SDK2: variants seen among roughly 807,000 people sequenced by gnomAD.
SDK2 encodes protein sidekick-2.
SDK2 carries 105 observed loss-of-function variants against 253.9 expected under a neutral mutation model. That is an observed-to-expected ratio of 0.41 (90% CI 0.35 to 0.49). The LOEUF is 0.49. SDK2 is among the 20% of genes least tolerant of loss of function. The probability of loss-of-function intolerance (pLI) is 0.06; values close to 1 mark genes in which losing one functional copy is unlikely to be tolerated. For missense variants in SDK2, 2,608 were observed against 3,003.0 expected (o/e 0.87, Z 3.07); for synonymous variants, 1,249 against 1,234.9 (o/e 1.01, Z -0.24).
At chr17:73,381,371 T>C (rs1599503931) in intron 33 of SDK2, among the ~76,000 whole-genome samples, 1 of 151,486 alleles carries the variant, frequency 6.6e-6, no homozygotes, top group Non-Finnish European at 1.5e-5. Flanking sequence ...ATGACTGTAT[T>C]ATACACAGGC....
chr17:73,403,157 G>A (rs2063043035), intron 18 of SDK2, among the ~76,000 whole-genome samples: 1 of 152,198 alleles, frequency 6.6e-6, no homozygotes, highest in Non-Finnish European at 1.5e-5. Flanking sequence ...ACAGGTAGGG[G>A]GAAGCTGGTT....
chr17:73,412,284 G>GTA (rs113442771), intron 18 of SDK2, among the ~76,000 whole-genome samples: 15 of 146,190 alleles, frequency 1.0e-4, no homozygotes, highest in African/African-American at 2.1e-4. Flanking sequence ...GTGTGTGTGT[G>GTA]TATATATATA....
intron 1 of SDK2, among the ~76,000 whole-genome samples, chr17:73,527,163 G>A (rs1342229018): frequency 6.6e-6 from 1 of 152,198 alleles, no homozygotes. Flanking sequence ...CTCCAGGGAG[G>A]AAGGGGACCC....
chr17:73,538,228 C>T (rs1234722948), intron 1 of SDK2, among the ~76,000 whole-genome samples: 2 of 152,240 alleles, frequency 1.3e-5, no homozygotes, highest in African/African-American at 4.8e-5. Flanking sequence ...GACAGGGAAA[C>T]TGAGGCACAG....
At chr17:73,628,569 C>T (rs2046231701) in intron 1 of SDK2, among the ~76,000 whole-genome samples, 1 of 152,210 alleles carries the variant, frequency 6.6e-6, no homozygotes, top group Non-Finnish European at 1.5e-5. Context: ...CACTCATGGG[C>T]CTTGAGTGTC....
rs1336796104 is a variant in SDK2 at position 73,337,726 on chromosome 17, G to A, written c.*861C>T. ...AACCTAATCATCCCACAGTGCCAAG[G>A]CCAGTCGCCTTATTTACACCTCTGC... On this transcript the variant is annotated 3_prime_UTR_variant, in exon 45 of 45. Coordinates refer to ENST00000392650, the MANE Select transcript of SDK2 (RefSeq NM_001144952.2). The A allele has an allele frequency of 6.6e-6, 1 of 152,218 alleles. No individual in the cohort carries two copies. Among genetic ancestry groups the A allele is most frequent in the African/African-American group, 2.4e-5 (1 of 41,430 alleles). 9.4% of individuals were successfully genotyped at this position (152,218 alleles called of 1,614,324 possible). A position where few individuals can be genotyped will look rare whatever the true frequency, so the allele number is the denominator to read the frequency against.
chr17:73,357,083 G>A (rs919322889), intron 40 of SDK2, among the ~76,000 whole-genome samples: 3 of 152,234 alleles, frequency 2.0e-5, no homozygotes, highest in African/African-American at 7.2e-5. Context: ...AGCCCCGCAT[G>A]CATCCTCCGG....
At chr17:73,584,547 A>C (rs1177053979) in intron 1 of SDK2, among the ~76,000 whole-genome samples, 1 of 152,152 alleles carries the variant, frequency 6.6e-6, no homozygotes, top group Non-Finnish European at 1.5e-5. Context: ...GAGGCTTTGG[A>C]GAGAGTCAGC....
chr17:73,406,252 T>TG (rs904440407), intron 18 of SDK2, among the ~76,000 whole-genome samples: 124 of 151,174 alleles, frequency 8.2e-4, no homozygotes, highest in Non-Finnish European at 1.0e-3. Flanking sequence ...CACTCTTTTT[T>TG]TTTTTTTTTG....
At chr17:73,469,992 G>GCGCACACACACA (rs1328450219) in intron 3 of SDK2, among the ~76,000 whole-genome samples, 263 of 126,260 alleles carry the variant, frequency 2.1e-3, no homozygotes, top group East Asian at 6.2e-3. Flanking sequence ...GCGCGCGCGC[G>GCGCACACACACA]CACACACACA....
chr17:73,474,532 T>C (rs2063672510), intron 2 of SDK2, among the ~76,000 whole-genome samples: 1 of 152,220 alleles, frequency 6.6e-6, no homozygotes, highest in Non-Finnish European at 1.5e-5. Flanking sequence ...TCCAGAACCT[T>C]CTGGCTGCCC....
chr17:73,531,051 C>T (rs2064165831), intron 1 of SDK2, among the ~76,000 whole-genome samples: 1 of 152,186 alleles, frequency 6.6e-6, no homozygotes, highest in East Asian at 1.9e-4. Context: ...TCCCTGCCTT[C>T]CTCCTGTGGT....
intron 36 of SDK2, among the ~76,000 whole-genome samples, chr17:73,373,165 C>T (rs1171696352): frequency 2.0e-5 from 3 of 152,178 alleles, no homozygotes; most frequent in Non-Finnish European, 2.9e-5. Context: ...GCATAATATC[C>T]TGCAGGTTCA....
At chr17:73,600,435 G>A (rs1211942360) in intron 1 of SDK2, among the ~76,000 whole-genome samples, 1 of 150,898 alleles carries the variant, frequency 6.6e-6, no homozygotes, top group Non-Finnish European at 1.5e-5. Context: ...GCCTCCCCTG[G>A]GGGAGGCGGG....
chr17:73,630,128 A>G (rs1158825135), intron 1 of SDK2, among the ~76,000 whole-genome samples: 1 of 152,110 alleles, frequency 6.6e-6, no homozygotes, highest in African/African-American at 2.4e-5. Flanking sequence ...CCACCATGAC[A>G]CCTAGACTCG....
At chr17:73,503,416 C>G (rs1290747215) in intron 2 of SDK2, among the ~76,000 whole-genome samples, 1 of 152,156 alleles carries the variant, frequency 6.6e-6, no homozygotes, top group East Asian at 1.9e-4. Flanking sequence ...GACATGATGT[C>G]TACAGCAAAT....
At chr17:73,516,087 T>G (rs2064024444) in intron 1 of SDK2, among the ~76,000 whole-genome samples, 1 of 152,194 alleles carries the variant, frequency 6.6e-6, no homozygotes, top group African/African-American at 2.4e-5. Context: ...CGCAGTCTCT[T>G]GAAGTTCTTA....
rs980851194 is a variant in SDK2, at chr17:73,527,369, A to G, written c.65-19772T>C. 3.3e-5 allele frequency among the ~76,000 whole-genome samples: 5 copies of G among 152,332 alleles called. No homozygotes were observed. The South Asian group carries it at 1.0e-3, about 32-fold the overall frequency. On this transcript the variant is annotated intron_variant, in intron 1 of 44. Coordinates refer to ENST00000392650, the MANE Select transcript of SDK2 (RefSeq NM_001144952.2). The stretch of plus-strand genomic sequence containing the variant: ...GATGACAGTGGGAATGCATAATGCA[A>G]AGGAGAAACCTCTCAAAAAGGTCAC...
At chr17:73,617,323 C>T (rs2046073939) in intron 1 of SDK2, among the ~76,000 whole-genome samples, 1 of 149,394 alleles carries the variant, frequency 6.7e-6, no homozygotes, top group Admixed American at 6.6e-5. Context: ...GAGAGGCCTC[C>T]TGCGGAGGGG....
Sources: gnomAD v4.1 joint callset for allele counts (sites outside exome capture counted in the v4.1 genomes callset) on GRCh38, gnomAD v4.1.1 for gene constraint, MANE v1.5 for transcripts, NCBI Gene and HGNC (gene_info 2026-07-23, HGNC 2026-07-21) for gene names.